Variants in SPPL3 observed in about 807,000 individuals in gnomAD.
SPPL3 encodes the protein signal peptide peptidase like 3.
Under a neutral mutation model 42.4 loss-of-function variants are expected in SPPL3, and 5 were observed. That is an observed-to-expected ratio of 0.12 (90% CI 0.06 to 0.25). SPPL3 has a LOEUF of 0.25. SPPL3 is among the 10% of genes least tolerant of loss of function. The pLI is 1.00. For synonymous variants in SPPL3, 195 were observed against 181.8 expected (o/e 1.07, Z -0.58); for missense variants, 235 against 489.0 (o/e 0.48, Z 4.90).
At chr12:120,776,298 T>A (rs1412374338) in intron 6 of SPPL3, among the ~76,000 whole-genome samples, 1 of 152,202 alleles carries the variant, frequency 6.6e-6, no homozygotes, top group Non-Finnish European at 1.5e-5. Context: ...AATTTTCCAA[T>A]GGAAATGTAC....
chr12:120,824,482 A>G (rs777771059), intron 1 of SPPL3, among the ~76,000 whole-genome samples: 1 of 152,208 alleles, frequency 6.6e-6, no homozygotes, highest in Non-Finnish European at 1.5e-5. Context: ...TAAGTTCTAT[A>G]GCAGAATTTA....
At chr12:120,892,909 T>C (rs934880811) in intron 1 of SPPL3, among the ~76,000 whole-genome samples, 4 of 139,582 alleles carry the variant, frequency 2.9e-5, no homozygotes, top group Non-Finnish European at 4.6e-5. Flanking sequence ...GTGAACCCGG[T>C]AGGCAGAGGT....
At chr12:120,802,431 A>ATATATTTT (rs1312190815) in intron 2 of SPPL3, among the ~76,000 whole-genome samples, 2 of 105,162 alleles carry the variant, frequency 1.9e-5, no homozygotes, top group Non-Finnish European at 1.8e-5. Flanking sequence ...ATATATATAT[A>ATATATTTT]TTTTTTTTTT....
intron 2 of SPPL3, among the ~76,000 whole-genome samples, chr12:120,802,431 A>ATATATT (rs1312190815): frequency 6.7e-5 from 7 of 105,128 alleles, no homozygotes; most frequent in African/African-American, 1.4e-4. Flanking sequence ...ATATATATAT[A>ATATATT]TTTTTTTTTT....
chr12:120,834,174 G>C (rs1459805815), intron 1 of SPPL3, among the ~76,000 whole-genome samples: 2 of 152,160 alleles, frequency 1.3e-5, no homozygotes, highest in Non-Finnish European at 2.9e-5. Flanking sequence ...ACTACAGATG[G>C]AATTTTAAGT....
intron 3 of SPPL3, among the ~76,000 whole-genome samples, chr12:120,785,949 T>A (rs1407872516): frequency 6.7e-6 from 1 of 149,998 alleles, no homozygotes; most frequent in African/African-American, 2.5e-5. Context: ...GTCTCTTCAT[T>A]ATATTAAGGC....
intron 1 of SPPL3, among the ~76,000 whole-genome samples, chr12:120,853,132 G>A (rs1555252712): frequency 6.6e-6 from 1 of 151,538 alleles, no homozygotes. Context: ...CCTGACCTCA[G>A]GTGATCCGCC....
rs1406938981 is a variant in SPPL3, at chr12:120,764,615, A to AATT, written c.*381_*383dup. The AATT allele has an allele frequency of 1.1e-5, 4 of 362,672 alleles. No homozygotes were observed. Among genetic ancestry groups the AATT allele is most frequent in the African/African-American group, 8.3e-5 (4 of 48,038 alleles). 22.5% of individuals were successfully genotyped at this position (362,672 alleles called of 1,614,324 possible). Reference sequence around the variant, plus strand: ...GTCATTGAAGAAACTTCGGTTTGCTAATTTTTTTCATCCTTTTAGTGTTCA... The same window carrying AATT: ...GTCATTGAAGAAACTTCGGTTTGCTAATTATTTTTTTCATCCTTTTAGTGTTCA... On this transcript the variant is annotated 3_prime_UTR_variant, in exon 11 of 11. Coordinates refer to ENST00000353487, the MANE Select transcript of SPPL3 (RefSeq NM_139015.5).
At chr12:120,856,503 C>CTTT (rs35137934) in intron 1 of SPPL3, among the ~76,000 whole-genome samples, 2,165 of 89,084 alleles carry the variant, frequency 0.024, 69 homozygotes, top group South Asian at 0.055. Flanking sequence ...CAATTTTCAT[C>CTTT]TTTTTTTTTT....
intron 1 of SPPL3, among the ~76,000 whole-genome samples, chr12:120,895,218 A>T (rs1873764143): frequency 6.6e-6 from 1 of 152,180 alleles, no homozygotes; most frequent in Non-Finnish European, 1.5e-5. Flanking sequence ...ACCTGAGATC[A>T]GGAGTTGGAG....
chr12:120,855,577 C>T (rs1872423616), intron 1 of SPPL3, among the ~76,000 whole-genome samples: 1 of 151,972 alleles, frequency 6.6e-6, no homozygotes, highest in African/African-American at 2.4e-5. Context: ...ATCCCAGCTA[C>T]TTGGGAGGCT....
At chr12:120,901,868 T>C in intron 1 of SPPL3, 1 of 984,740 alleles carries the variant, frequency 1.0e-6, no homozygotes, top group Non-Finnish European at 1.2e-6. Context: ...GTCGTGTGTG[T>C]CCAACCTACC....
At chr12:120,841,820 A>G (rs1387117855) in intron 1 of SPPL3, among the ~76,000 whole-genome samples, 2 of 152,226 alleles carry the variant, frequency 1.3e-5, no homozygotes, top group Non-Finnish European at 2.9e-5. Flanking sequence ...GAGAGGCTCA[A>G]TATCTGACAA....
intron 7 of SPPL3, 89 bp from the exon 8 acceptor site, chr12:120,768,577 T>A: frequency 3.6e-6 from 5 of 1,371,954 alleles, no homozygotes; most frequent in Non-Finnish European, 5.0e-6. Flanking sequence ...GAGCAGAGTC[T>A]CAGAATGCTG....
At chr12:120,817,521 A>C (rs985234009) in intron 1 of SPPL3, among the ~76,000 whole-genome samples, 20 of 152,206 alleles carry the variant, frequency 1.3e-4, no homozygotes, top group African/African-American at 4.8e-4. Context: ...ACATTATACC[A>C]GTAGACATAT....
intron 6 of SPPL3, 42 bp downstream of exon 6, chr12:120,782,613 C>A: frequency 2.1e-6 from 3 of 1,429,256 alleles, no homozygotes; most frequent in Middle Eastern, 1.7e-4. Flanking sequence ...CTATAAAACT[C>A]TATAAAGTAA....
chr12:120,828,132 C>T (rs1871284914), intron 1 of SPPL3, among the ~76,000 whole-genome samples: 1 of 152,136 alleles, frequency 6.6e-6, no homozygotes, highest in African/African-American at 2.4e-5. Context: ...ACGAAATATG[C>T]TCTCCAACTA....
At chr12:120,837,343 T>C (rs1056887475) in intron 1 of SPPL3, among the ~76,000 whole-genome samples, 5 of 152,206 alleles carry the variant, frequency 3.3e-5, no homozygotes, top group Non-Finnish European at 7.3e-5. Flanking sequence ...GTCAAAGAGG[T>C]ACTTTCCTCA....
At chr12:120,878,011 T>C (rs1407335639) in intron 1 of SPPL3, among the ~76,000 whole-genome samples, 1 of 140,316 alleles carries the variant, frequency 7.1e-6, no homozygotes, top group East Asian at 2.1e-4. Context: ...AGAGCAAGAC[T>C]CTTGTCTTAA....
Sources: allele counts gnomAD v4.1 joint callset (sites outside exome capture counted in the v4.1 genomes callset), GRCh38; gene constraint gnomAD v4.1.1; transcripts MANE v1.5; gene names NCBI Gene and HGNC (gene_info 2026-07-23, HGNC 2026-07-21).